PTGS1: variants seen among roughly 807,000 people sequenced by gnomAD.
The protein encoded by PTGS1 is prostaglandin-endoperoxide synthase 1.
Under a neutral mutation model 63.0 loss-of-function variants are expected in PTGS1, and 40 were observed. That is an observed-to-expected ratio of 0.63 (90% CI 0.49 to 0.83). PTGS1 has a LOEUF of 0.83. Among genes scored for constraint, PTGS1 ranks in the 40% least tolerant of loss-of-function variants. The pLI is 0.00. For missense variants in PTGS1, 709 were observed against 786.5 expected, an observed-to-expected ratio of 0.90 and a Z score of 1.18; for synonymous variants, 298 against 301.9, an observed-to-expected ratio of 0.99 and a Z score of 0.13.
Position 122,393,959 on chromosome 9 carries a change from A to C in PTGS1, c.*1415A>C, listed in dbSNP as rs201216915. ...CAGTTCCTGTAACAGGTGTGGGGAC[A>C]CAGCAGTGAGTAATCAATACAGACA... On this transcript the variant is annotated 3_prime_UTR_variant, in exon 11 of 11. Transcript: ENST00000362012. 2 of 152,284 alleles carry C rather than the reference A, an allele frequency of 1.3e-5. No individual in the cohort carries two copies. Among genetic ancestry groups the C allele is most frequent in the Non-Finnish European group, 2.9e-5 (2 of 68,052 alleles). 9.4% of individuals were successfully genotyped at this position (152,284 alleles called of 1,614,324 possible).
intron 8 of PTGS1, among the ~76,000 whole-genome samples, chr9:122,385,265 T>C (rs1218905311): frequency 2.6e-5 from 4 of 152,154 alleles, no homozygotes; most frequent in African/African-American, 9.7e-5. Context: ...GCCGCACTGA[T>C]ATTATTATAA....
chr9:122,380,429 C>T (rs1837435631), intron 5 of PTGS1, among the ~76,000 whole-genome samples: 1 of 151,820 alleles, frequency 6.6e-6, no homozygotes. Context: ...TGCGGCACTG[C>T]ACTCTGGCCT....
chr9:122,382,571 C>T (rs1837591136), intron 7 of PTGS1, among the ~76,000 whole-genome samples: 4 of 152,086 alleles, frequency 2.6e-5, no homozygotes, highest in Admixed American at 2.6e-4. Flanking sequence ...TAAGATAAAC[C>T]TAAATAAAAT....
At chr9:122,371,777 G>A (rs1836824397) in intron 2 of PTGS1, 3 of 1,534,052 alleles carry the variant, frequency 2.0e-6, no homozygotes, top group Non-Finnish European at 1.7e-6. Context: ...TAGGAGCCGG[G>A]ATGCTTCATC....
chr9:122,373,438 C>T (rs988206670), intron 2 of PTGS1, among the ~76,000 whole-genome samples: 3 of 152,060 alleles, frequency 2.0e-5, no homozygotes, highest in Admixed American at 6.5e-5. Flanking sequence ...AGAGGGCAGG[C>T]GGAGGGAGAG....
At position 122,392,610 on chromosome 9, in the gene PTGS1, G is replaced by C. The variant is rs1838360410; in HGVS notation, c.*66G>C. ...TTGTCATTCCAGAGTGCTGAGGCCA[G>C]GGCTGATGGTCTTAAATGCTCATTT... is the stretch of plus-strand genomic sequence containing the variant. On this transcript the variant is annotated 3_prime_UTR_variant, in exon 11 of 11. Transcript: ENST00000362012. The C allele has an allele frequency of 4.2e-6, 6 of 1,434,562 alleles. No individual in the cohort carries two copies. The highest frequency in any genetic ancestry group is 2.8e-5 in the African/African-American group (2 of 70,578). The allele number at this position is 1,434,562 out of a possible 1,614,324, so 88.9% of individuals were successfully genotyped here.
Position 122,386,538 on chromosome 9 carries a change from GT to G in PTGS1, c.1103del (p.Val368AlafsTer104). On this transcript the variant is annotated frameshift_variant, in exon 9 of 11. Coordinates refer to ENST00000362012, the MANE Select transcript of PTGS1 (RefSeq NM_000962.4). LOFTEE classifies it high-confidence loss of function. Reference protein sequence around the residue: ...LKFDPELLFGVQFQYRNRIAM... With the variant: ...LKFDPELLFGXQFQYRNRIAM... Reference sequence around the variant, plus strand: ...ATTTGACCCAGAGCTGCTGTTCGGTGTCCAGTTCCAATACCGCAACCGCATT... The same window carrying G: ...ATTTGACCCAGAGCTGCTGTTCGGTGCCAGTTCCAATACCGCAACCGCATT... 6.2e-7 allele frequency: 1 copy of G among 1,614,180 alleles called. No homozygotes were observed. The highest frequency in any genetic ancestry group is 1.7e-5 in the Admixed American group (1 of 60,026).
chr9:122,378,867 C>T lies in PTGS1; in HGVS notation c.445C>T (p.Arg149Cys), dbSNP rs1379029876. Residue 149 changes from arginine to cysteine, a missense_variant, in exon 5 of 11, where the codon CGT (arginine) becomes TGT (cysteine). Arg to Cys is a radical substitution (Grantham distance 180). Transcript: ENST00000362012. Reference protein sequence around the residue: ...ESFSNVSYYTRILPSVPKDCP... With the variant: ...ESFSNVSYYTCILPSVPKDCP... ...TTTCTCCAACGTGAGCTATTACACT[C>T]GTATTCTGCCCTCTGTGCCTAAAGA... is the stretch of plus-strand genomic sequence containing the variant. The T allele has an allele frequency of 3.7e-6, 6 of 1,614,244 alleles. No individual in the cohort carries two copies. The highest frequency in any genetic ancestry group is 1.6e-4 in the Middle Eastern group (1 of 6,062).
chr9:122,383,686 C>G lies in PTGS1; in HGVS notation c.940C>G (p.Leu314Val), dbSNP rs534966394. Residue 314 changes from leucine to valine, a missense_variant, in exon 8 of 11, where the codon CTG becomes GTG. Physicochemically the swap from Leu to Val is conservative, Grantham distance 32. Transcript: ENST00000362012. ...WLREHNRVCD[L>V]LKAEHPTWGD... is the part of the protein sequence containing the mutation. ...ACGTGAGCACAACCGTGTGTGTGAC[C>G]TGCTGAAGGCTGAGCACCCCACCTG... is the stretch of plus-strand genomic sequence containing the variant. 4.3e-6 allele frequency: 7 copies of G among 1,613,996 alleles called. No homozygotes were observed. Among genetic ancestry groups the G allele is most frequent in the Non-Finnish European group, 8.5e-7 (1 of 1,179,942 alleles).
chr9:122,379,417 C>T (rs570273554), intron 5 of PTGS1, among the ~76,000 whole-genome samples: 19 of 152,240 alleles, frequency 1.2e-4, no homozygotes, highest in Non-Finnish European at 2.2e-4. Context: ...ATCCAAAAAC[C>T]TGGGATATTA....
At chr9:122,387,759 A>G (rs946460732) in intron 9 of PTGS1, among the ~76,000 whole-genome samples, 4 of 152,298 alleles carry the variant, frequency 2.6e-5, no homozygotes, top group African/African-American at 9.6e-5. Flanking sequence ...CCTAGCAAAC[A>G]AACACATTCT....
At position 122,383,714 on chromosome 9, in the gene PTGS1, G is replaced by A. The variant is rs200834586; in HGVS notation, c.968G>A (p.Gly323Asp). The A allele has an allele frequency of 1.2e-5, 19 of 1,613,614 alleles. No homozygotes were observed. In the African/African-American group the frequency reaches 2.4e-4, roughly 20 times the overall value. ...CTGAAGGCTGAGCACCCCACCTGGG[G>A]CGATGAGCAGCTTTTCCAGACGACC... Reference protein sequence around the residue: ...DLLKAEHPTWGDEQLFQTTRL... With the variant: ...DLLKAEHPTWDDEQLFQTTRL... Residue 323 changes from glycine to aspartate, a missense_variant, in exon 8 of 11, where the codon GGC becomes GAC. Gly to Asp is a moderately conservative substitution (Grantham distance 94). Coordinates refer to ENST00000362012, the MANE Select transcript of PTGS1 (RefSeq NM_000962.4).
Position 122,378,792 on chromosome 9 carries a change from C to T in PTGS1, c.370C>T (p.Pro124Ser). Residue 124 changes from proline to serine, a missense_variant, in exon 5 of 11, where the codon CCC becomes TCC. Transcript: ENST00000362012. ...CTCTGCAGTGCGCTCCAACCTTATC[C>T]CCAGTCCCCCCACCTACAACTCAGC... ...LVLTVRSNLI[P>S]SPPTYNSAHD... The T allele has an allele frequency of 8.1e-6, 13 of 1,614,202 alleles. No homozygotes were observed. The highest frequency in any genetic ancestry group is 1.0e-5 in the Non-Finnish European group (12 of 1,180,032).
intron 2 of PTGS1, among the ~76,000 whole-genome samples, chr9:122,373,418 C>T (rs1480240630): frequency 6.6e-6 from 1 of 152,174 alleles, no homozygotes; most frequent in East Asian, 1.9e-4. Context: ...ATGAGGGCTG[C>T]ACTCACCTAA....
In PTGS1 at chr9:122,378,494, G is replaced by C. The variant is rs1055346421; in HGVS notation, c.273G>C (p.Leu91=). 3 of 1,614,212 alleles carry C rather than the reference G, an allele frequency of 1.9e-6. No homozygotes were observed. In the Admixed American group the frequency reaches 5.0e-5, roughly 27 times the overall value. The stretch of plus-strand genomic sequence containing the variant: ...CCAGCCCCTCTTTCACCCACTTCCT[G>C]CTCACTCACGGGCGCTGGTTCTGGG... ...LRPSPSFTHF[L]LTHGRWFWEF... The change falls in exon 4 of 11, where the codon CTG becomes CTC. Residue 91 remains leucine, a synonymous_variant. Transcript: ENST00000362012.
Position 122,393,990 on chromosome 9 carries a change from C to T in PTGS1, c.*1446C>T, listed in dbSNP as rs200256557. ...GTGAGTAATCAATACAGACAAGGTT[C>T]TGCCCTTATGGAGCTCACACTCCAG... On this transcript the variant is annotated 3_prime_UTR_variant, in exon 11 of 11. Coordinates refer to ENST00000362012, the MANE Select transcript of PTGS1 (RefSeq NM_000962.4). The T allele has an allele frequency of 6.6e-6, 1 of 152,258 alleles. No homozygotes were observed. The highest frequency in any genetic ancestry group is 2.1e-4 in the South Asian group (1 of 4,832). The allele number at this position is 152,258 out of a possible 1,614,324, so 9.4% of individuals were successfully genotyped here. A position where few individuals can be genotyped will look rare whatever the true frequency, so the allele number is the denominator to read the frequency against.
chr9:122,390,319 C>A lies in PTGS1; in HGVS notation c.1418C>A (p.Pro473His), dbSNP rs1838135774. Reference protein sequence around the residue: ...NEYRKRFGMKPYTSFQELVGE... With the variant: ...NEYRKRFGMKHYTSFQELVGE... ...TACCGCAAGAGGTTTGGCATGAAAC[C>A]CTACACCTCCTTCCAGGAGCTCGTA... The change falls in exon 10 of 11, where the codon CCC (proline) becomes CAC (histidine). Residue 473 changes from proline to histidine, a missense_variant. Physicochemically the swap from Pro to His is moderately conservative, Grantham distance 77. Transcript: ENST00000362012. 1 of 1,614,064 alleles carries A rather than the reference C, an allele frequency of 6.2e-7. No homozygotes were observed. The highest frequency in any genetic ancestry group is 1.3e-5 in the African/African-American group (1 of 74,944).
chr9:122,386,469 G>A lies in PTGS1; in HGVS notation c.1033G>A (p.Glu345Lys), dbSNP rs1234735937. 12 of 1,614,134 alleles carry A rather than the reference G, an allele frequency of 7.4e-6. No individual in the cohort carries two copies. The highest frequency in any genetic ancestry group is 2.2e-5 in the East Asian group (1 of 44,870). ...LIGETIKIVI[E>K]EYVQQLSGYF... ...AGGGGAGACCATCAAGATTGTCATC[G>A]AGGAGTACGTGCAGCAGCTGAGTGG... The change falls in exon 9 of 11, where the codon GAG becomes AAG. Residue 345 changes from glutamate (E) to lysine (K), a missense_variant. By Grantham distance (56) the Glu-to-Lys change is moderately conservative (BLOSUM62 1). Transcript: ENST00000362012.
intron 10 of PTGS1, among the ~76,000 whole-genome samples, chr9:122,391,230 CATATATATGAAT>C (rs1838204304): frequency 1.4e-5 from 2 of 146,252 alleles, no homozygotes; most frequent in Admixed American, 6.9e-5. Flanking sequence ...AGTATATATA[CATATATATGAAT>C]ATATATATGA....
Sources: allele counts gnomAD v4.1 joint callset (sites outside exome capture counted in the v4.1 genomes callset), GRCh38; gene constraint gnomAD v4.1.1; transcripts MANE v1.5; gene names NCBI Gene and HGNC (gene_info 2026-07-23, HGNC 2026-07-21).